Variants in SOX5 observed in about 807,000 individuals in gnomAD.
SOX5 encodes transcription factor SOX-5.
Under a neutral mutation model 92.0 loss-of-function variants are expected in SOX5, and 9 were observed. The ratio of observed to expected loss-of-function variants is 0.10; its 90% CI spans 0.06 to 0.17. The LOEUF (loss-of-function observed/expected upper bound fraction) is 0.17, where lower values mean the gene tolerates loss of function less well. Ranked by LOEUF, SOX5 falls within the 10% of genes least tolerant of loss-of-function variation. The pLI is 1.00. For missense variants in SOX5, 642 were observed against 944.5 expected, an observed-to-expected ratio of 0.68 and a Z score of 4.20; for synonymous variants, 344 against 336.3, an observed-to-expected ratio of 1.02 and a Z score of -0.25.
intron 1 of SOX5, among the ~76,000 whole-genome samples, chr12:24,375,003 T>C (rs1383782940): frequency 6.6e-6 from 1 of 152,074 alleles, no homozygotes; most frequent in Non-Finnish European, 1.5e-5. Flanking sequence ...GACAGAGTCT[T>C]GCTCTGTCAC....
chr12:24,178,244 C>CTTTTT (rs5797065), intron 4 of SOX5, among the ~76,000 whole-genome samples: 4 of 109,554 alleles, frequency 3.7e-5, no homozygotes, highest in East Asian at 5.5e-4. Flanking sequence ...AAGAGCTTGA[C>CTTTTT]TTTTTTTTTT....
intron 4 of SOX5, among the ~76,000 whole-genome samples, chr12:24,106,547 T>G: frequency 6.6e-6 from 1 of 152,026 alleles, no homozygotes; most frequent in Non-Finnish European, 1.5e-5. Context: ...TCCCAGGACT[T>G]CGGGAGGTCG....
At chr12:23,756,140 C>G (rs1355956086) in intron 3 of SOX5, among the ~76,000 whole-genome samples, 1 of 151,592 alleles carries the variant, frequency 6.6e-6, no homozygotes, top group Non-Finnish European at 1.5e-5. Context: ...AATTATATCC[C>G]TCTGTGTGTT....
intron 3 of SOX5, among the ~76,000 whole-genome samples, chr12:24,234,654 CA>C (rs1964090141): frequency 6.6e-6 from 1 of 152,104 alleles, no homozygotes; most frequent in Non-Finnish European, 1.5e-5. Context: ...CTGGAATTAC[CA>C]AAGTGCTGGT....
chr12:23,726,546 C>G (rs1487542894), intron 6 of SOX5, among the ~76,000 whole-genome samples: 3 of 152,044 alleles, frequency 2.0e-5, no homozygotes, highest in African/African-American at 7.2e-5. Flanking sequence ...GCCAACATTC[C>G]CAAATCTTTC....
In SOX5 at chr12:23,530,833, G is replaced by GCGCGCGCA. The variant is rs1191279230; in HGVS notation, c.*3385_*3386insTGCGCGCG. Reference sequence around the variant, plus strand: ...TGTGTGTGTGTGCGCGCGCGCGCGCGCGCATGTGAGAGAGAGAGAGAAAGG... The same window carrying GCGCGCGCA: ...TGTGTGTGTGTGCGCGCGCGCGCGCGCGCGCGCACGCATGTGAGAGAGAGAGAGAAAGG... On this transcript the variant is annotated 3_prime_UTR_variant, in exon 15 of 15. Coordinates refer to ENST00000451604, the MANE Select transcript of SOX5 (RefSeq NM_006940.6). The GCGCGCGCA allele has an allele frequency of 2.0e-5, 3 of 151,126 alleles. No homozygotes were observed. Among genetic ancestry groups the GCGCGCGCA allele is most frequent in the Non-Finnish European group, 4.4e-5 (3 of 67,814 alleles). The allele number at this position is 151,126 out of a possible 1,614,324, so 9.4% of individuals were successfully genotyped here. A position where few individuals can be genotyped will look rare whatever the true frequency, so the allele number is the denominator to read the frequency against.
intron 1 of SOX5, among the ~76,000 whole-genome samples, chr12:24,403,672 ATGG>A (rs1962264962): frequency 6.6e-6 from 1 of 152,232 alleles, no homozygotes; most frequent in Non-Finnish European, 1.5e-5. Flanking sequence ...GCTTATTTAC[ATGG>A]CCAACAGTCT....
Position 24,441,332 on chromosome 12 carries a change from G to C in SOX5, c.-250-72693C>G, listed in dbSNP as rs549439931. The stretch of plus-strand genomic sequence containing the variant: ...ATTTATGCAATCTTTCTCCTCCTAC[G>C]GTCCACCTAATCTTATGAAGGATAA... On this transcript the variant is annotated intron_variant, in intron 1 of 4. Coordinates refer to the SOX5 transcript ENST00000446891. Among the ~76,000 whole-genome samples, 611 of 151,922 alleles carry C rather than the reference G, an allele frequency of 4.0e-3. 3 individuals are homozygous for C. The highest frequency in any genetic ancestry group is 7.7e-3 in the Admixed American group (117 of 15,250).
intron 2 of SOX5, among the ~76,000 whole-genome samples, chr12:23,876,179 G>T (rs1194358849): frequency 6.6e-6 from 1 of 152,162 alleles, no homozygotes; most frequent in Non-Finnish European, 1.5e-5. Flanking sequence ...TCTCATCACA[G>T]TGAACAGGCA....
rs150503632 is a variant in SOX5, at chr12:24,515,303, G to A, written c.-251+47026C>T. On this transcript the variant is annotated intron_variant, in intron 1 of 4. Coordinates refer to the SOX5 transcript ENST00000446891. ...TTTTCTCATCAGTAAAACTGGGTTT[G>A]TTGGGTTACTATGAGAATTAAATGA... Among the ~76,000 whole-genome samples, 858 of 152,316 alleles carry A rather than the reference G, an allele frequency of 5.6e-3. 4 individuals are homozygous for A. The highest frequency in any genetic ancestry group is 9.5e-3 in the Non-Finnish European group (647 of 68,022).
At chr12:24,014,976 C>T (rs1953416612) in intron 4 of SOX5, among the ~76,000 whole-genome samples, 1 of 152,092 alleles carries the variant, frequency 6.6e-6, no homozygotes, top group Non-Finnish European at 1.5e-5. Context: ...TTCATCTTCT[C>T]ACTCCCCAGA....
rs776415645 is a variant in SOX5, at chr12:24,210,727, G to A, written c.-2+2616C>T. Among the ~76,000 whole-genome samples, 28 of 152,052 alleles carry A rather than the reference G, an allele frequency of 1.8e-4. No homozygotes were observed. In the South Asian group the frequency reaches 3.3e-3, roughly 18 times the overall value. Reference sequence around the variant, plus strand: ...TAATTCAAACTCAAGAGAATTCTGTGAATTAAAGACATGGAAAAGAAAAAG... The same window carrying A: ...TAATTCAAACTCAAGAGAATTCTGTAAATTAAAGACATGGAAAAGAAAAAG... On this transcript the variant is annotated intron_variant, in intron 4 of 4. Coordinates refer to the SOX5 transcript ENST00000446891.
intron 10 of SOX5, among the ~76,000 whole-genome samples, chr12:23,571,310 G>C (rs1948344586): frequency 6.6e-6 from 1 of 151,844 alleles, no homozygotes; most frequent in African/African-American, 2.4e-5. Context: ...TGTTTTACTG[G>C]GTCAATTTGC....
chr12:23,771,717 A>C (rs1567636388), intron 3 of SOX5, among the ~76,000 whole-genome samples: 2 of 152,166 alleles, frequency 1.3e-5, no homozygotes, highest in Non-Finnish European at 2.9e-5. Flanking sequence ...GCCTTACAGG[A>C]GTTCTGCTTC....
chr12:23,790,291 A>G (rs904923139), intron 3 of SOX5, among the ~76,000 whole-genome samples: 3 of 152,128 alleles, frequency 2.0e-5, no homozygotes, highest in Non-Finnish European at 2.9e-5. Context: ...TTTCATAATC[A>G]TATCTTAAGT....
At chr12:24,425,478 C>A (rs1044689390) in intron 1 of SOX5, among the ~76,000 whole-genome samples, 3 of 152,202 alleles carry the variant, frequency 2.0e-5, no homozygotes, top group African/African-American at 7.2e-5. Context: ...TTCACTCTTC[C>A]CAGGCCTGAT....
chr12:23,908,233 C>T (rs1191554858), intron 1 of SOX5, among the ~76,000 whole-genome samples: 4 of 151,970 alleles, frequency 2.6e-5, no homozygotes, highest in African/African-American at 9.7e-5. Flanking sequence ...GCAAGTTAAG[C>T]CGTCTAAAGA....
At chr12:24,246,398 CAAT>C (rs1938734872) in intron 3 of SOX5, among the ~76,000 whole-genome samples, 1 of 151,628 alleles carries the variant, frequency 6.6e-6, no homozygotes, top group Non-Finnish European at 1.5e-5. Context: ...AAGGAAATTA[CAAT>C]AATAATTCAA....
intron 3 of SOX5, among the ~76,000 whole-genome samples, chr12:23,779,197 C>T (rs561988389): frequency 1.3e-5 from 2 of 151,954 alleles, no homozygotes; most frequent in African/African-American, 4.8e-5. Context: ...CTAATGTAGG[C>T]CTTAAAAATG....
Sources: allele counts gnomAD v4.1 joint callset (sites outside exome capture counted in the v4.1 genomes callset), GRCh38; gene constraint gnomAD v4.1.1; transcripts MANE v1.5; gene names NCBI Gene and HGNC (gene_info 2026-07-23, HGNC 2026-07-21).